Variants in MEGF11 observed in about 807,000 individuals in gnomAD.
The protein encoded by MEGF11 is multiple epidermal growth factor-like domains protein 11.
Under a neutral mutation model 146.6 loss-of-function variants are expected in MEGF11, and 126 were observed. The ratio of observed to expected loss-of-function variants is 0.86; its 90% CI spans 0.74 to 1.00. MEGF11 has a LOEUF of 1.00. MEGF11 is among the 50% of genes least tolerant of loss of function. The pLI is 0.00. For synonymous variants in MEGF11, 532 were observed against 583.4 expected, an observed-to-expected ratio of 0.91 and a Z score of 1.27; for missense variants, 1,509 against 1,521.2, an observed-to-expected ratio of 0.99 and a Z score of 0.13.
At chr15:65,946,497 A>G (rs1372343291) in intron 10 of MEGF11, among the ~76,000 whole-genome samples, 2 of 152,154 alleles carry the variant, frequency 1.3e-5, no homozygotes. Context: ...GATTCAAGCT[A>G]TTCTCATGCC....
chr15:66,178,159 AT>A (rs2090441811), intron 1 of MEGF11, among the ~76,000 whole-genome samples: 1 of 151,128 alleles, frequency 6.6e-6, no homozygotes, highest in Admixed American at 6.6e-5. Flanking sequence ...CTAATTTTTA[AT>A]TTTTTGTAGA....
chr15:66,014,409 G>C (rs1049893537), intron 5 of MEGF11, among the ~76,000 whole-genome samples: 5 of 152,184 alleles, frequency 3.3e-5, no homozygotes, highest in African/African-American at 1.2e-4. Context: ...CCTTAGGGTG[G>C]CTCCTTCCTA....
At chr15:65,937,114 C>G (rs1039091989) in intron 10 of MEGF11, among the ~76,000 whole-genome samples, 3 of 152,144 alleles carry the variant, frequency 2.0e-5, no homozygotes, top group Non-Finnish European at 2.9e-5. Context: ...AAAGTGGGCC[C>G]GCAAGGCAGA....
At chr15:66,157,217 A>T (rs575520213) in intron 1 of MEGF11, among the ~76,000 whole-genome samples, 10 of 152,212 alleles carry the variant, frequency 6.6e-5, no homozygotes. Flanking sequence ...GTCTAGTGAC[A>T]TCTCCACGGG....
chr15:66,023,991 G>T (rs1449310008), intron 5 of MEGF11, among the ~76,000 whole-genome samples: 1 of 152,172 alleles, frequency 6.6e-6, no homozygotes, highest in African/African-American at 2.4e-5. Flanking sequence ...ACCAGGGCAG[G>T]AGAAGTTGGG....
chr15:65,944,693 ACT>A (rs1483206455), intron 10 of MEGF11, among the ~76,000 whole-genome samples: 1 of 152,030 alleles, frequency 6.6e-6, no homozygotes, highest in Non-Finnish European at 1.5e-5. Context: ...GAGAGTCTAG[ACT>A]CTGGCAAATC....
intron 5 of MEGF11, among the ~76,000 whole-genome samples, chr15:66,059,385 C>T (rs1255949974): frequency 6.6e-6 from 1 of 152,204 alleles, no homozygotes; most frequent in East Asian, 1.9e-4. Flanking sequence ...GCGCCCTGCT[C>T]AGCAGGTCCT....
intron 5 of MEGF11, among the ~76,000 whole-genome samples, chr15:66,028,049 C>T (rs58170863): frequency 0.01 from 1,524 of 152,296 alleles, 24 homozygotes; most frequent in African/African-American, 0.035. Context: ...TCAGCACACC[C>T]ACCAGCTTCC....
At chr15:66,042,213 G>A (rs1177245836) in intron 5 of MEGF11, among the ~76,000 whole-genome samples, 1 of 150,634 alleles carries the variant, frequency 6.6e-6, no homozygotes, top group Non-Finnish European at 1.5e-5. Flanking sequence ...CAGGTTCAGC[G>A]ATTTTCATGT....
At chr15:66,177,001 T>C (rs1342821024) in intron 1 of MEGF11, among the ~76,000 whole-genome samples, 1 of 152,184 alleles carries the variant, frequency 6.6e-6, no homozygotes, top group Non-Finnish European at 1.5e-5. Flanking sequence ...ATCTAACCCC[T>C]GGTAACTCCC....
chr15:66,001,593 C>T (rs76892283), intron 5 of MEGF11, among the ~76,000 whole-genome samples: 3,410 of 152,186 alleles, frequency 0.022, 131 homozygotes, highest in African/African-American at 0.077. Context: ...ATTTCCATCT[C>T]GGTGGCCTCA....
rs554111752 is a variant in MEGF11 at position 65,917,437 on chromosome 15, AG to A, written c.2087-482del. ...TAGGACCTCCCCAAGGGTACTGGCT[AG>A]GTCTCACCCATCAGACAAGGAGCTC... is the stretch of plus-strand genomic sequence containing the variant. On this transcript the variant is annotated intron_variant, in intron 16 of 25. Coordinates refer to ENST00000395614, the MANE Select transcript of MEGF11 (RefSeq NM_001385028.1). Among the ~76,000 whole-genome samples, 214 of 152,304 alleles carry A rather than the reference AG, an allele frequency of 1.4e-3. 1 individual carries two copies. The highest frequency in any genetic ancestry group is 2.5e-3 in the Non-Finnish European group (171 of 68,022).
In MEGF11 at chr15:66,160,192, G is replaced by A. The variant is rs1408562246; in HGVS notation, c.-8-31781C>T. Among the ~76,000 whole-genome samples the A allele has an allele frequency of 2.7e-5, 4 of 150,640 alleles. No individual in the cohort carries two copies. The East Asian group carries it at 8.0e-4, about 30-fold the overall frequency. On this transcript the variant is annotated intron_variant, in intron 1 of 25. Coordinates refer to ENST00000395614, the MANE Select transcript of MEGF11 (RefSeq NM_001385028.1). ...TATTCTGGGAGGGAGAAGTAGGCTA[G>A]AAAGGGCTTTGTTTCCTAAACAAAA... is the stretch of plus-strand genomic sequence containing the variant.
chr15:66,003,806 C>T (rs955781045), intron 5 of MEGF11, among the ~76,000 whole-genome samples: 2 of 152,192 alleles, frequency 1.3e-5, no homozygotes, highest in South Asian at 2.1e-4. Flanking sequence ...CCTCCATTCA[C>T]CCCTTCATGC....
chr15:66,045,122 T>C (rs1455292959), intron 5 of MEGF11, among the ~76,000 whole-genome samples: 1 of 152,186 alleles, frequency 6.6e-6, no homozygotes, highest in Non-Finnish European at 1.5e-5. Context: ...TATATATCGC[T>C]CATACAAAAT....
At chr15:66,077,253 CCT>C (rs2085631456) in intron 5 of MEGF11, among the ~76,000 whole-genome samples, 1 of 152,190 alleles carries the variant, frequency 6.6e-6, no homozygotes, top group African/African-American at 2.4e-5. Flanking sequence ...CCTGGAGCAC[CCT>C]CTCTTTCCAT....
At chr15:65,979,967 TG>T (rs975233397) in intron 7 of MEGF11, among the ~76,000 whole-genome samples, 102 of 152,302 alleles carry the variant, frequency 6.7e-4, no homozygotes, top group Admixed American at 5.4e-3. Context: ...ACATGAGACC[TG>T]GGCTGCTTCA....
chr15:66,030,563 C>T (rs1465237598), intron 5 of MEGF11, among the ~76,000 whole-genome samples: 2 of 152,160 alleles, frequency 1.3e-5, no homozygotes, highest in Admixed American at 6.5e-5. Flanking sequence ...GCATTCACCA[C>T]CACGCCCAGC....
rs774930988 is a variant in MEGF11, at chr15:65,906,083, A to G, written c.3055+2T>C. On this transcript the variant is annotated splice_donor_variant, in intron 24 of 25. Transcript: ENST00000395614. LOFTEE classifies it high-confidence loss of function. ...ATAAGACAGCAGGATTGGATACTCT[A>G]CCTTTGAAGCCTTTGTCCATAATGT... The G allele has an allele frequency of 7.5e-6, 12 of 1,608,936 alleles. No individual in the cohort carries two copies. The Admixed American group carries it at 8.4e-5, about 11-fold the overall frequency.
Sources: gnomAD v4.1 joint callset for allele counts (sites outside exome capture counted in the v4.1 genomes callset) on GRCh38, gnomAD v4.1.1 for gene constraint, MANE v1.5 for transcripts, NCBI Gene and HGNC (gene_info 2026-07-23, HGNC 2026-07-21) for gene names.